Variants in FDX1 observed in about 807,000 individuals in gnomAD.
The protein encoded by FDX1 is adrenodoxin, mitochondrial.
FDX1 carries 9 observed loss-of-function variants against 14.9 expected under a neutral mutation model. The ratio of observed to expected loss-of-function variants is 0.60; its 90% CI spans 0.36 to 1.05. The LOEUF (loss-of-function observed/expected upper bound fraction) is 1.05, where lower values mean the gene tolerates loss of function less well. FDX1 is among the 50% of genes least tolerant of loss of function. The pLI, the probability that FDX1 is intolerant of heterozygous loss-of-function variation, is 0.01. For missense variants in FDX1, 204 were observed against 237.2 expected (o/e 0.86, Z 0.92); for synonymous variants, 92 against 99.4 (o/e 0.93, Z 0.44).
At chr11:110,435,621 G>A (rs778972195) in intron 1 of FDX1, among the ~76,000 whole-genome samples, 1 of 152,204 alleles carries the variant, frequency 6.6e-6, no homozygotes, top group Non-Finnish European at 1.5e-5. Context: ...GCCAAGTTGA[G>A]AAGATGGCTT....
chr11:110,447,609 C>T (rs2134685813), intron 2 of FDX1, among the ~76,000 whole-genome samples: 1 of 152,230 alleles, frequency 6.6e-6, no homozygotes, highest in South Asian at 2.1e-4. Flanking sequence ...GTGATACTGG[C>T]CTTTTCTCAA....
chr11:110,456,517 T>G (rs557315402), intron 2 of FDX1, among the ~76,000 whole-genome samples: 84 of 142,576 alleles, frequency 5.9e-4, no homozygotes, highest in African/African-American at 1.9e-3. Context: ...TTCTTTTTTT[T>G]TTTTTTTTTT....
rs11463993 is a variant in FDX1 at position 110,456,509 on chromosome 11, C to CTTTTTTTTTTTTT, written c.311-398_311-386dup. ...CATTTTCACCTTTCATTTATGTATT[C>CTTTTTTTTTTTTT]TTTTTTTTTTTTTTTTTTTTTTTGA... On this transcript the variant is annotated intron_variant, in intron 2 of 3. Coordinates refer to ENST00000260270, the MANE Select transcript of FDX1 (RefSeq NM_004109.5). Among the ~76,000 whole-genome samples the CTTTTTTTTTTTTT allele has an allele frequency of 2.5e-3, 213 of 83,800 alleles. 1 individual carries two copies. The highest frequency in any genetic ancestry group is 4.7e-3 in the East Asian group (12 of 2,548). The allele number at this position is 83,800 out of a possible 152,430, so 55.0% of individuals were successfully genotyped here.
rs781457182 is a variant in FDX1, at chr11:110,435,819, T to A, written c.186-15T>A. 2 of 1,563,974 alleles carry A rather than the reference T, an allele frequency of 1.3e-6. No homozygotes were observed. Among genetic ancestry groups the A allele is most frequent in the Non-Finnish European group, 1.7e-6 (2 of 1,147,484 alleles). ...GAAATTACTAAAAATACTAAAGGACTGTTTTTTTTTCCAGCTCAGAAGATA... is the reference window on the plus strand; with the variant it reads ...GAAATTACTAAAAATACTAAAGGACAGTTTTTTTTTCCAGCTCAGAAGATA... On this transcript the variant is annotated splice_polypyrimidine_tract_variant and intron_variant, in intron 1 of 3. Coordinates refer to ENST00000260270, the MANE Select transcript of FDX1 (RefSeq NM_004109.5).
chr11:110,435,361 A>G (rs1023202181), intron 1 of FDX1, among the ~76,000 whole-genome samples: 7 of 152,230 alleles, frequency 4.6e-5, no homozygotes, highest in Non-Finnish European at 7.3e-5. Context: ...GTATGAGAGT[A>G]AAATAGAGTT....
chr11:110,455,055 G>A (rs1056496692), intron 2 of FDX1, among the ~76,000 whole-genome samples: 1 of 152,174 alleles, frequency 6.6e-6, no homozygotes, highest in Non-Finnish European at 1.5e-5. Flanking sequence ...CGCCCAGGCT[G>A]GAGTGCAGTG....
chr11:110,456,597 C>T (rs999795818), intron 2 of FDX1, among the ~76,000 whole-genome samples: 2 of 148,248 alleles, frequency 1.3e-5, no homozygotes, highest in African/African-American at 5.0e-5. Context: ...ACCTCCGCCT[C>T]CCGGGTTCAA....
At chr11:110,452,860 T>G (rs1591253183) in intron 2 of FDX1, among the ~76,000 whole-genome samples, 1 of 152,322 alleles carries the variant, frequency 6.6e-6, no homozygotes, top group South Asian at 2.1e-4. Flanking sequence ...TCTATTTATA[T>G]GAACATTCTG....
At chr11:110,450,284 G>A (rs943392637) in intron 2 of FDX1, among the ~76,000 whole-genome samples, 11 of 151,858 alleles carry the variant, frequency 7.2e-5, no homozygotes, top group African/African-American at 2.4e-5. Flanking sequence ...CTAGATCTAG[G>A]TCCCATCTGG....
intron 1 of FDX1, among the ~76,000 whole-genome samples, chr11:110,431,586 C>A (rs75288793): frequency 0.023 from 3,491 of 152,250 alleles, 124 homozygotes; most frequent in African/African-American, 0.075. Context: ...CACTTCCCCC[C>A]CTGTCTTTGA....
At chr11:110,444,706 GTATATATATATATATACGTATATATATA>G (rs1565381963) in intron 2 of FDX1, among the ~76,000 whole-genome samples, 7 of 30,848 alleles carry the variant, frequency 2.3e-4, no homozygotes, top group Non-Finnish European at 3.2e-4. Context: ...ATATATATAC[GTATATATATATATATACGTATATATATA>G]TATATATATA....
At chr11:110,452,599 GA>G (rs1265947914) in intron 2 of FDX1, among the ~76,000 whole-genome samples, 6 of 150,766 alleles carry the variant, frequency 4.0e-5, no homozygotes, top group South Asian at 2.1e-4. Context: ...GTGGCTTTGG[GA>G]AAAAAATGAG....
intron 2 of FDX1, among the ~76,000 whole-genome samples, chr11:110,444,735 T>TATAC (rs1946437178): frequency 1.5e-5 from 1 of 64,918 alleles, no homozygotes; most frequent in African/African-American, 7.4e-5. Context: ...TATATATATA[T>TATAC]ATATATATAC....
intron 2 of FDX1, among the ~76,000 whole-genome samples, chr11:110,456,224 T>C (rs1752013174): frequency 6.6e-6 from 1 of 152,218 alleles, no homozygotes; most frequent in South Asian, 2.1e-4. Flanking sequence ...CTAGTTCCTC[T>C]TATATACCAT....
chr11:110,450,147 T>C (rs1042326324), intron 2 of FDX1, among the ~76,000 whole-genome samples: 2 of 152,156 alleles, frequency 1.3e-5, no homozygotes, highest in African/African-American at 4.8e-5. Flanking sequence ...TTTGGGATGA[T>C]TCAAGTGCAT....
intron 1 of FDX1, among the ~76,000 whole-genome samples, chr11:110,432,516 C>T (rs1946338359): frequency 6.6e-6 from 1 of 152,104 alleles, no homozygotes; most frequent in Non-Finnish European, 1.5e-5. Flanking sequence ...TACTCTTCAC[C>T]TGAGTGCAGT....
chr11:110,444,685 C>CACGTATATATATATATATATAT, intron 2 of FDX1, among the ~76,000 whole-genome samples: 1 of 36,736 alleles, frequency 2.7e-5, no homozygotes, highest in Non-Finnish European at 4.4e-5. Flanking sequence ...TATATATATA[C>CACGTATATATATATATATATAT]ACGTATATAT....
chr11:110,435,971 C>T lies in FDX1; in HGVS notation c.310+13C>T, dbSNP rs1946365850. ...ATTGATGGCTTTGGTGAGTATGAAA[C>T]ATTTCTTAAAATGCATAAGTGAAAC... On this transcript the variant is annotated intron_variant, in intron 2 of 3. Transcript: ENST00000260270. 2.9e-5 allele frequency: 46 copies of T among 1,593,036 alleles called. No individual in the cohort carries two copies. Among genetic ancestry groups the T allele is most frequent in the Non-Finnish European group, 3.9e-5 (46 of 1,173,164 alleles).
At chr11:110,448,081 C>G (rs770127558) in intron 2 of FDX1, among the ~76,000 whole-genome samples, 1 of 152,160 alleles carries the variant, frequency 6.6e-6, no homozygotes, top group Non-Finnish European at 1.5e-5. Flanking sequence ...ATGCAGGTAC[C>G]TGTTTTCAGA....
Sources: allele counts gnomAD v4.1 joint callset (sites outside exome capture counted in the v4.1 genomes callset), GRCh38; gene constraint gnomAD v4.1.1; transcripts MANE v1.5; gene names NCBI Gene and HGNC (gene_info 2026-07-23, HGNC 2026-07-21).